PTPN14: variants seen among roughly 807,000 people sequenced by gnomAD.
The protein encoded by PTPN14 is protein tyrosine phosphatase non-receptor type 14, also known as tyrosine-protein phosphatase non-receptor type 14.
PTPN14 carries 53 observed loss-of-function variants against 126.8 expected under a neutral mutation model. The ratio of observed to expected loss-of-function variants is 0.42; its 90% CI spans 0.34 to 0.53. The LOEUF (loss-of-function observed/expected upper bound fraction) is 0.53. PTPN14 is among the 20% of genes least tolerant of loss of function. The pLI is 0.08. For synonymous variants in PTPN14, 630 were observed against 599.3 expected (o/e 1.05, Z -0.75); for missense variants, 1,257 against 1,552.9 (o/e 0.81, Z 3.20).
chr1:214,463,648 C>T (rs1453778737), intron 2 of PTPN14, among the ~76,000 whole-genome samples: 1 of 152,142 alleles, frequency 6.6e-6, no homozygotes, highest in East Asian at 1.9e-4. Context: ...TGGAGAGAGG[C>T]CACATGCAAT....
chr1:214,408,780 GA>G (rs1659229211), intron 5 of PTPN14, among the ~76,000 whole-genome samples: 1 of 152,066 alleles, frequency 6.6e-6, no homozygotes, highest in Non-Finnish European at 1.5e-5. Flanking sequence ...ATTGAGACCT[GA>G]ATGTCATAAA....
At chr1:214,419,135 C>A (rs1659489399) in intron 3 of PTPN14, among the ~76,000 whole-genome samples, 1 of 152,198 alleles carries the variant, frequency 6.6e-6, no homozygotes. Context: ...AATTTAATAG[C>A]ACATATCAAC....
intron 1 of PTPN14, among the ~76,000 whole-genome samples, chr1:214,546,513 TAGATCAAGTCA>T (rs1362814837): frequency 6.6e-6 from 1 of 152,130 alleles, no homozygotes; most frequent in Non-Finnish European, 1.5e-5. Flanking sequence ...TAAGGCAAAG[TAGATCAAGTCA>T]GTGGCCCACA....
intron 1 of PTPN14, among the ~76,000 whole-genome samples, chr1:214,481,947 A>G (rs1660998371): frequency 6.6e-6 from 1 of 151,546 alleles, no homozygotes; most frequent in Admixed American, 6.6e-5. Flanking sequence ...AGATCACGCC[A>G]CTGCACTCCA....
At chr1:214,399,568 T>C (rs1347896715) in intron 7 of PTPN14, among the ~76,000 whole-genome samples, 5 of 152,228 alleles carry the variant, frequency 3.3e-5, no homozygotes, top group Non-Finnish European at 7.3e-5. Flanking sequence ...TCCCTACCAC[T>C]TCCTCTGCAC....
At chr1:214,496,461 C>T (rs550765100) in intron 1 of PTPN14, among the ~76,000 whole-genome samples, 56 of 152,256 alleles carry the variant, frequency 3.7e-4, no homozygotes, top group East Asian at 9.6e-4. Flanking sequence ...TGAAACCCCT[C>T]GGGGAAAATG....
At chr1:214,379,364 G>C (rs941895832) in intron 13 of PTPN14, among the ~76,000 whole-genome samples, 1 of 152,102 alleles carries the variant, frequency 6.6e-6, no homozygotes, top group Non-Finnish European at 1.5e-5. Context: ...TTCTAATTGC[G>C]GGTGGGAGGA....
At chr1:214,464,584 A>T in intron 2 of PTPN14, 46 bp downstream of exon 2, 3 of 1,595,962 alleles carry the variant, frequency 1.9e-6, no homozygotes, top group Non-Finnish European at 2.6e-6. Flanking sequence ...TCACATACCC[A>T]ACACGCATGC....
At chr1:214,457,145 T>C (rs756662422) in intron 2 of PTPN14, among the ~76,000 whole-genome samples, 29 of 152,354 alleles carry the variant, frequency 1.9e-4, no homozygotes, top group East Asian at 9.6e-4. Flanking sequence ...GTTAAGTTTC[T>C]TATCTTTATA....
At chr1:214,405,740 T>C (rs1318959446) in intron 5 of PTPN14, among the ~76,000 whole-genome samples, 1 of 152,214 alleles carries the variant, frequency 6.6e-6, no homozygotes, top group East Asian at 1.9e-4. Flanking sequence ...TAAACAGTTA[T>C]TGAGAATTTA....
chr1:214,403,727 GAATAATCCAA>G (rs1180788666), intron 5 of PTPN14, among the ~76,000 whole-genome samples: 3 of 152,340 alleles, frequency 2.0e-5, no homozygotes, highest in Admixed American at 1.3e-4. Context: ...GAATCAAGAG[GAATAATCCAA>G]AATAAGCAGA....
At chr1:214,380,142 C>T (rs887383374) in intron 13 of PTPN14, among the ~76,000 whole-genome samples, 1 of 151,506 alleles carries the variant, frequency 6.6e-6, no homozygotes, top group Admixed American at 6.6e-5. Context: ...GTTTTTCTTT[C>T]TTTTTTTTTA....
intron 6 of PTPN14, among the ~76,000 whole-genome samples, chr1:214,402,490 T>C (rs946997276): frequency 6.9e-6 from 1 of 144,298 alleles, no homozygotes; most frequent in Non-Finnish European, 1.5e-5. Flanking sequence ...GATCACTGCA[T>C]AGGCCTCGAT....
At chr1:214,457,831 G>A (rs556136334) in intron 2 of PTPN14, among the ~76,000 whole-genome samples, 2 of 152,204 alleles carry the variant, frequency 1.3e-5, no homozygotes, top group African/African-American at 4.8e-5. Context: ...AATCTGATGT[G>A]TTTTTACACT....
At position 214,372,837 on chromosome 1, in the gene PTPN14, C is replaced by T. The variant is rs1658250965; in HGVS notation, c.2910G>A (p.Val970=). ...AGTGCCATTCTGCCCCGCCAACCAC[C>T]ACCTAAAAACCAAGAAAAGTATCGG... The part of the protein sequence containing the change: ...TGYINASHIK[V]VVGGAEWHYI... The change falls in exon 16 of 19, where the codon GTG becomes GTA. Residue 970 remains valine, a splice_region_variant and synonymous_variant. Transcript: ENST00000366956. The T allele has an allele frequency of 6.2e-7, 1 of 1,613,928 alleles. No homozygotes were observed. The highest frequency in any genetic ancestry group is 8.5e-7 in the Non-Finnish European group (1 of 1,179,898).
rs559067414 is a variant in PTPN14, at chr1:214,478,587, C to T, written c.-154-13630G>A. 2.2e-3 allele frequency among the ~76,000 whole-genome samples: 330 copies of T among 152,224 alleles called. 1 individual carries two copies. The highest frequency in any genetic ancestry group is 6.8e-3 in the Middle Eastern group (2 of 294). ...AAAACCTTAATCACCTAACATATGT[C>T]CCTCCTAAATACTATATGTAAGAAA... On this transcript the variant is annotated intron_variant, in intron 1 of 18. Coordinates refer to ENST00000366956, the MANE Select transcript of PTPN14 (RefSeq NM_005401.5).
At chr1:214,534,440 G>A (rs1346585321) in intron 1 of PTPN14, among the ~76,000 whole-genome samples, 3 of 152,104 alleles carry the variant, frequency 2.0e-5, no homozygotes, top group Non-Finnish European at 4.4e-5. Flanking sequence ...TTGGCCGGGC[G>A]CGGTGGCTCA....
At chr1:214,472,170 G>C (rs997844304) in intron 1 of PTPN14, among the ~76,000 whole-genome samples, 2 of 152,170 alleles carry the variant, frequency 1.3e-5, no homozygotes, top group Non-Finnish European at 2.9e-5. Context: ...CAAATCACAT[G>C]TTGAATTGTA....
chr1:214,479,055 G>A (rs1660926416), intron 1 of PTPN14, among the ~76,000 whole-genome samples: 1 of 151,314 alleles, frequency 6.6e-6, no homozygotes. Context: ...TTTAAAATCA[G>A]AATTTTTTGG....
Sources: gnomAD v4.1 joint callset for allele counts (sites outside exome capture counted in the v4.1 genomes callset) on GRCh38, gnomAD v4.1.1 for gene constraint, MANE v1.5 for transcripts, NCBI Gene and HGNC (gene_info 2026-07-23, HGNC 2026-07-21) for gene names.